The following ENTREP2 variants were observed in gnomAD, a reference collection of about 807,000 sequenced individuals.
ENTREP2 encodes the protein endosomal transmembrane epsin interactor 2, also known as protein ENTREP2.
the ENTREP2 span, among the ~76,000 whole-genome samples, chr15:29,528,661 T>G: frequency 6.6e-6 from 1 of 150,738 alleles, no homozygotes; most frequent in East Asian, 1.9e-4. Flanking sequence ...AGTCCAAAGG[T>G]CTCATTACAA....
chr15:29,624,017 C>T, the ENTREP2 span, among the ~76,000 whole-genome samples: 9 of 152,198 alleles, frequency 5.9e-5, no homozygotes, highest in East Asian at 1.9e-4. Flanking sequence ...GGATTATAGG[C>T]GTGAGCCACC....
chr15:29,402,251 A>AATATATATATAT, the ENTREP2 span, among the ~76,000 whole-genome samples: 72 of 111,908 alleles, frequency 6.4e-4, no homozygotes, highest in African/African-American at 1.5e-3. Context: ...ATTATAGAAG[A>AATATATATATAT]ATATATATAT....
the ENTREP2 span, among the ~76,000 whole-genome samples, chr15:29,379,294 A>G: frequency 6.6e-6 from 1 of 152,156 alleles, no homozygotes; most frequent in Non-Finnish European, 1.5e-5. Context: ...CCCTCTGTGA[A>G]GCCTGCCACA....
chr15:29,151,835 G>A, the ENTREP2 span: 1 of 1,551,156 alleles, frequency 6.4e-7, no homozygotes, highest in South Asian at 1.2e-5. Context: ...ACGCTGAAGA[G>A]GAGATCCTGC....
the ENTREP2 span, among the ~76,000 whole-genome samples, chr15:29,388,986 GA>G: frequency 9.5e-6 from 1 of 105,352 alleles, no homozygotes; most frequent in South Asian, 3.4e-4. Flanking sequence ...AGGGGGGAGG[GA>G]AAACATTAGG....
the ENTREP2 span, among the ~76,000 whole-genome samples, chr15:29,500,207 C>T: frequency 2.0e-5 from 3 of 151,884 alleles, no homozygotes; most frequent in Non-Finnish European, 2.9e-5. Flanking sequence ...AGAATAACAG[C>T]AAGGAAACAG....
chr15:29,307,749 T>C, the ENTREP2 span, among the ~76,000 whole-genome samples: 1 of 152,022 alleles, frequency 6.6e-6, no homozygotes, highest in African/African-American at 2.4e-5. Context: ...TGCACACACA[T>C]GGAGAAAAGG....
At chr15:29,602,718 A>G in the ENTREP2 span, among the ~76,000 whole-genome samples, 3 of 151,920 alleles carry the variant, frequency 2.0e-5, no homozygotes, top group Non-Finnish European at 4.4e-5. Context: ...TTGTATTTTT[A>G]TTAGAGATAT....
the ENTREP2 span, among the ~76,000 whole-genome samples, chr15:29,540,469 C>T: frequency 2.6e-5 from 4 of 152,298 alleles, no homozygotes; most frequent in African/African-American, 9.6e-5. Flanking sequence ...ACTCTGTTTT[C>T]GCCCACCAGG....
the ENTREP2 span, among the ~76,000 whole-genome samples, chr15:29,177,074 C>T: frequency 3.9e-5 from 6 of 152,138 alleles, no homozygotes; most frequent in Non-Finnish European, 8.8e-5. Context: ...GTTGGAGGGA[C>T]GCCCAGCTCT....
the ENTREP2 span, among the ~76,000 whole-genome samples, chr15:29,345,321 G>A: frequency 1.3e-5 from 2 of 152,164 alleles, no homozygotes; most frequent in African/African-American, 2.4e-5. Context: ...AGTAATGCCA[G>A]GGTCCTTCCT....
At chr15:29,192,443 C>T in the ENTREP2 span, among the ~76,000 whole-genome samples, 4 of 152,256 alleles carry the variant, frequency 2.6e-5, 1 homozygote, top group South Asian at 4.1e-4. Flanking sequence ...ACCATTACAA[C>T]AACAAGAAGA....
At chr15:29,640,625 G>A in the ENTREP2 span, among the ~76,000 whole-genome samples, 5 of 144,788 alleles carry the variant, frequency 3.5e-5, no homozygotes, top group Non-Finnish European at 7.4e-5. Context: ...ACTCCAGTCT[G>A]GGCAACAGAG....
chr15:29,219,614 A>AATATATAT, the ENTREP2 span, among the ~76,000 whole-genome samples: 1,082 of 37,466 alleles, frequency 0.029, 120 homozygotes, highest in Middle Eastern at 0.075. Context: ...GTGGTGCATA[A>AATATATAT]ATATATATAT....
At chr15:29,462,327 T>C in the ENTREP2 span, among the ~76,000 whole-genome samples, 1 of 152,004 alleles carries the variant, frequency 6.6e-6, no homozygotes, top group South Asian at 2.1e-4. Context: ...ACCACTACTC[T>C]CCTTTGTTCA....
At chr15:29,658,658 A>C in the ENTREP2 span, among the ~76,000 whole-genome samples, 10 of 151,658 alleles carry the variant, frequency 6.6e-5, no homozygotes, top group South Asian at 1.7e-3. Flanking sequence ...ATAAAAAAAA[A>C]CAATCTACTC....
chr15:29,458,022 A>C, the ENTREP2 span, among the ~76,000 whole-genome samples: 1 of 152,078 alleles, frequency 6.6e-6, no homozygotes, highest in Non-Finnish European at 1.5e-5. Flanking sequence ...TAGGACACAT[A>C]TATCAGAGGA....
chr15:29,631,845 ATGGGAG>A, the ENTREP2 span, among the ~76,000 whole-genome samples: 1 of 152,174 alleles, frequency 6.6e-6, no homozygotes, highest in Non-Finnish European at 1.5e-5. Flanking sequence ...GCCCTGGTGG[ATGGGAG>A]TGGGAGTCCA....
At chr15:29,178,449 C>T in the ENTREP2 span, among the ~76,000 whole-genome samples, 1 of 152,184 alleles carries the variant, frequency 6.6e-6, no homozygotes, top group South Asian at 2.1e-4. Flanking sequence ...CTTACCTTCT[C>T]TCTGTTTTTT....
Sources: gnomAD v4.1 joint callset for allele counts (sites outside exome capture counted in the v4.1 genomes callset) on GRCh38, gnomAD v4.1.1 for gene constraint, MANE v1.5 for transcripts, NCBI Gene and HGNC (gene_info 2026-07-23, HGNC 2026-07-21) for gene names.